DAAM2: variants seen among roughly 807,000 people sequenced by gnomAD.
DAAM2 encodes the protein disheveled-associated activator of morphogenesis 2.
In DAAM2, 39 loss-of-function variants were observed where a neutral mutation model predicts 120.7. That is an observed-to-expected ratio of 0.32 (90% CI 0.25 to 0.42). DAAM2 has a LOEUF of 0.42. DAAM2 is among the 10% of genes least tolerant of loss of function. The pLI, the probability that DAAM2 is intolerant of heterozygous loss-of-function variation, is 1.00. For missense variants in DAAM2, 1,283 were observed against 1,401.7 expected (o/e 0.92, Z 1.35); for synonymous variants, 488 against 524.9 (o/e 0.93, Z 0.96).
chr6:39,811,956 G>A (rs75542633), intron 1 of DAAM2, among the ~76,000 whole-genome samples: 1 of 152,294 alleles, frequency 6.6e-6, no homozygotes, highest in Admixed American at 6.5e-5. Flanking sequence ...TAGACCCTCT[G>A]TGATTTCATT....
intron 1 of DAAM2, among the ~76,000 whole-genome samples, chr6:39,831,475 C>A (rs1762885807): frequency 6.6e-6 from 1 of 152,008 alleles, no homozygotes. Context: ...TTATTATTCT[C>A]ATTTTCACAT....
intron 19 of DAAM2, among the ~76,000 whole-genome samples, chr6:39,896,536 A>G (rs534692659): frequency 1.3e-5 from 2 of 152,258 alleles, no homozygotes; most frequent in East Asian, 3.9e-4. Context: ...GTAAGAAAAG[A>G]TCTTCTGAAA....
At position 39,873,244 on chromosome 6, in the gene DAAM2, A is replaced by G. The variant is rs1764735790; in HGVS notation, c.1051A>G (p.Ile351Val). 1.9e-6 allele frequency: 3 copies of G among 1,610,672 alleles called. No individual in the cohort carries two copies. Among genetic ancestry groups the G allele is most frequent in the Admixed American group, 1.7e-5 (1 of 59,774 alleles). ...GTGCCCTCTTCTCTCCCAGGTCCAC[A>G]TCGACACCAAGAGTGCTTCCCAGAT... ...ELARRFDMVH[I>V]DTKSASQMFE... Residue 351 changes from isoleucine to valine, a missense_variant, in exon 10 of 25, where the codon ATC becomes GTC. Physicochemically the swap from Ile to Val is conservative, Grantham distance 29. Transcript: ENST00000274867.
At chr6:39,797,342 C>T (rs190976145) in intron 1 of DAAM2, among the ~76,000 whole-genome samples, 10 of 152,338 alleles carry the variant, frequency 6.6e-5, no homozygotes, top group Non-Finnish European at 1.2e-4. Context: ...ATTTATATAA[C>T]ATTGTATCAT....
intron 1 of DAAM2, among the ~76,000 whole-genome samples, chr6:39,830,736 G>A (rs1194277504): frequency 2.0e-5 from 3 of 152,150 alleles, no homozygotes; most frequent in African/African-American, 4.8e-5. Flanking sequence ...AGGGGGTGGC[G>A]AGGGGCTCCA....
At chr6:39,864,220 G>A (rs1237932270) in intron 3 of DAAM2, among the ~76,000 whole-genome samples, 6 of 152,168 alleles carry the variant, frequency 3.9e-5, no homozygotes, top group Admixed American at 1.3e-4. Context: ...GTTTCTGCCC[G>A]CGTCGTTGTC....
At position 39,901,539 on chromosome 6, in the gene DAAM2, C is replaced by A. The variant is rs1261435375; in HGVS notation, c.2982+67C>A. 1 of 1,509,698 alleles carries A rather than the reference C, an allele frequency of 6.6e-7. No individual in the cohort carries two copies. Among genetic ancestry groups the A allele is most frequent in the South Asian group, 1.2e-5 (1 of 81,800 alleles). 93.5% of individuals were successfully genotyped at this position (1,509,698 alleles called of 1,614,324 possible). ...GCTACTTGGGGAGAACACCCCCAAA[C>A]TGGGGTGTGTGGGAGGAGGGCAGAG... On this transcript the variant is annotated intron_variant, in intron 24 of 24. Coordinates refer to ENST00000274867, the MANE Select transcript of DAAM2 (RefSeq NM_001201427.2). The surrounding 1 kb of genome is among the most constrained non-coding windows in gnomAD (Gnocchi z 4.5).
intron 19 of DAAM2, among the ~76,000 whole-genome samples, chr6:39,896,192 T>A (rs1206115916): frequency 7.5e-6 from 1 of 133,258 alleles, no homozygotes; most frequent in Non-Finnish European, 1.6e-5. Flanking sequence ...ATCTGAATAA[T>A]CTTTTTTTCT....
At chr6:39,839,058 A>G (rs550016767) in intron 1 of DAAM2, among the ~76,000 whole-genome samples, 6 of 151,476 alleles carry the variant, frequency 4.0e-5, no homozygotes, top group African/African-American at 1.5e-4. Context: ...AGATTGTTTT[A>G]ATTGGTTCAG....
At chr6:39,828,567 C>T (rs543209668) in intron 1 of DAAM2, among the ~76,000 whole-genome samples, 1,871 of 113,854 alleles carry the variant, frequency 0.016, 39 homozygotes, top group African/African-American at 0.059. Context: ...CACCCCCCTC[C>T]GTCTTTTTTT....
intron 3 of DAAM2, chr6:39,862,796 A>T (rs1327014253): frequency 9.5e-6 from 1 of 105,230 alleles, no homozygotes; most frequent in African/African-American, 3.7e-5. Context: ...CAAGAGCGAA[A>T]CTCCATCTCA....
chr6:39,816,237 A>G (rs537996524), intron 1 of DAAM2, among the ~76,000 whole-genome samples: 12 of 152,230 alleles, frequency 7.9e-5, no homozygotes, highest in Admixed American at 4.6e-4. Context: ...TAATGCTGAT[A>G]CTGCTTATCT....
chr6:39,814,766 G>A (rs1277881771), intron 1 of DAAM2, among the ~76,000 whole-genome samples: 1 of 152,180 alleles, frequency 6.6e-6, no homozygotes, highest in Non-Finnish European at 1.5e-5. Flanking sequence ...GCTGTATGGA[G>A]TGTGTATCAA....
At chr6:39,796,636 AAAAAAC>A (rs1263260730) in intron 1 of DAAM2, among the ~76,000 whole-genome samples, 1 of 53,984 alleles carries the variant, frequency 1.9e-5, no homozygotes, top group African/African-American at 4.6e-5. Context: ...AAAAAAAAAA[AAAAAAC>A]CTGTAAAAAA....
Position 39,902,081 on chromosome 6 carries a change from T to C in DAAM2, c.*44T>C. On this transcript the variant is annotated 3_prime_UTR_variant, in exon 25 of 25. Coordinates refer to ENST00000274867, the MANE Select transcript of DAAM2 (RefSeq NM_001201427.2). ...CAGGAGGCCGGGAGACAGGGACTGG[T>C]GAGAATGGGGCTGAGTGGAGGAGGT... 4 of 1,519,854 alleles carry C rather than the reference T, an allele frequency of 2.6e-6. No individual in the cohort carries two copies. The highest frequency in any genetic ancestry group is 3.6e-6 in the Non-Finnish European group (4 of 1,110,368). 94.1% of individuals were successfully genotyped at this position (1,519,854 alleles called of 1,614,324 possible). A position where few individuals can be genotyped will look rare whatever the true frequency, so the allele number is the denominator to read the frequency against.
intron 17 of DAAM2, 194 bp downstream of exon 17, chr6:39,888,957 A>C: frequency 2.7e-6 from 1 of 375,424 alleles, no homozygotes. Flanking sequence ...GTTCTCCAGG[A>C]GTCATTCTCC....
chr6:39,830,695 A>T (rs114001958), intron 1 of DAAM2, among the ~76,000 whole-genome samples: 2,729 of 152,038 alleles, frequency 0.018, 76 homozygotes, highest in African/African-American at 0.06. Flanking sequence ...CTGCTCCTGC[A>T]CTCCCAAATG....
At chr6:39,826,470 A>G (rs976317150) in intron 1 of DAAM2, among the ~76,000 whole-genome samples, 3 of 150,484 alleles carry the variant, frequency 2.0e-5, no homozygotes, top group African/African-American at 7.4e-5. Flanking sequence ...GGGACTCTCG[A>G]CTCCTTCTCT....
At chr6:39,801,246 T>A (rs1019270662) in intron 1 of DAAM2, among the ~76,000 whole-genome samples, 2 of 152,176 alleles carry the variant, frequency 1.3e-5, no homozygotes, top group Non-Finnish European at 2.9e-5. Context: ...CTGTGCTTTG[T>A]GTGGTTTTTA....
Sources: allele counts gnomAD v4.1 joint callset (sites outside exome capture counted in the v4.1 genomes callset), GRCh38; gene constraint gnomAD v4.1.1; non-coding constraint Gnocchi (gnomAD v3.1); transcripts MANE v1.5; gene names NCBI Gene and HGNC (gene_info 2026-07-23, HGNC 2026-07-21).